The following ADAM7 variants were observed in gnomAD, a reference collection of about 807,000 sequenced individuals.
The protein encoded by ADAM7 is ADAM metallopeptidase domain 7, also known as disintegrin and metalloproteinase domain-containing protein 7.
Under a neutral mutation model 102.9 loss-of-function variants are expected in ADAM7, and 97 were observed. The observed-to-expected ratio is 0.94, with a 90% CI of 0.80 to 1.12. ADAM7 has a LOEUF of 1.12. Among genes scored for constraint, ADAM7 ranks in the 50% most tolerant of loss-of-function variants. The pLI is 0.00. For synonymous variants in ADAM7, 334 were observed against 304.4 expected, an observed-to-expected ratio of 1.10 and a Z score of -1.01; for missense variants, 991 against 908.7, an observed-to-expected ratio of 1.09 and a Z score of -1.16.
Position 24,441,560 on chromosome 8 carries a change from G to C in ADAM7, c.52+400G>C, listed in dbSNP as rs564255842. Among the ~76,000 whole-genome samples, 429 of 152,310 alleles carry C rather than the reference G, an allele frequency of 2.8e-3. 1 individual carries two copies. The highest frequency in any genetic ancestry group is 5.2e-3 in the Non-Finnish European group (352 of 68,018). On this transcript the variant is annotated intron_variant, in intron 1 of 21. Transcript: ENST00000175238. ...CCACACAATAAATTGGTAAAGGCTTGATTCAAATCAGAGCATATTCCAGAA... is the reference window on the plus strand; with the variant it reads ...CCACACAATAAATTGGTAAAGGCTTCATTCAAATCAGAGCATATTCCAGAA...
chr8:24,447,160 G>A, intron 2 of ADAM7, 26 bp from the exon 3 acceptor site: 2 of 1,411,016 alleles, frequency 1.4e-6, no homozygotes, highest in Non-Finnish European at 9.8e-7. Context: ...CCATGTTGAA[G>A]TCACGTGATG....
chr8:24,468,520 T>TA (rs1265800043), intron 6 of ADAM7, among the ~76,000 whole-genome samples: 2 of 150,272 alleles, frequency 1.3e-5, no homozygotes, highest in Non-Finnish European at 3.0e-5. Context: ...AAATTAAATT[T>TA]AAAAAAAAGA....
intron 3 of ADAM7, among the ~76,000 whole-genome samples, chr8:24,450,719 T>A (rs1818750518): frequency 6.6e-6 from 1 of 151,496 alleles, no homozygotes; most frequent in African/African-American, 2.4e-5. Context: ...GGCATCCCTG[T>A]CTTGTGCCAG....
intron 7 of ADAM7, among the ~76,000 whole-genome samples, chr8:24,473,997 T>G (rs1271460175): frequency 6.6e-6 from 1 of 152,128 alleles, no homozygotes; most frequent in Admixed American, 6.6e-5. Flanking sequence ...ACCAAACTCC[T>G]ATTCAGTATA....
At chr8:24,494,086 G>C (rs1002601148) in intron 16 of ADAM7, among the ~76,000 whole-genome samples, 6 of 151,894 alleles carry the variant, frequency 4.0e-5, no homozygotes, top group Admixed American at 6.6e-5. Flanking sequence ...AACTGAATAG[G>C]TTCTCTATGT....
intron 3 of ADAM7, among the ~76,000 whole-genome samples, chr8:24,458,773 C>G (rs1217445725): frequency 6.6e-6 from 1 of 151,980 alleles, no homozygotes; most frequent in Non-Finnish European, 1.5e-5. Context: ...TATGACAGTA[C>G]CTGTAGATTT....
At chr8:24,465,816 T>C in intron 5 of ADAM7, 41 bp downstream of exon 5, 1 of 1,457,540 alleles carries the variant, frequency 6.9e-7, no homozygotes, top group Non-Finnish European at 9.3e-7. Context: ...TGAGTTTTCC[T>C]ATGGATTTTC....
chr8:24,496,054 A>T (rs1820541601), intron 16 of ADAM7, among the ~76,000 whole-genome samples: 1 of 152,202 alleles, frequency 6.6e-6, no homozygotes, highest in South Asian at 2.1e-4. Context: ...TTAGTGGGCC[A>T]GGCCCAGGGT....
chr8:24,449,729 C>G (rs908895595), intron 3 of ADAM7, among the ~76,000 whole-genome samples: 6 of 152,128 alleles, frequency 3.9e-5, no homozygotes, highest in African/African-American at 1.4e-4. Flanking sequence ...TTGCCCATGC[C>G]TATGTCCTGA....
intron 7 of ADAM7, among the ~76,000 whole-genome samples, chr8:24,475,025 AT>A (rs1819723795): frequency 6.6e-6 from 1 of 152,208 alleles, no homozygotes; most frequent in Admixed American, 6.6e-5. Flanking sequence ...TATCTCCACA[AT>A]AATGAGGAAT....
In ADAM7 at chr8:24,509,057, T is replaced by G; in HGVS notation, c.*511T>G. 9.1e-6 allele frequency: 9 copies of G among 986,494 alleles called. No individual in the cohort carries two copies. The highest frequency in any genetic ancestry group is 1.1e-5 in the Non-Finnish European group (9 of 830,806). 61.1% of individuals were successfully genotyped at this position (986,494 alleles called of 1,614,324 possible). On this transcript the variant is annotated 3_prime_UTR_variant, in exon 22 of 22. Coordinates refer to ENST00000175238, the MANE Select transcript of ADAM7 (RefSeq NM_003817.4). ...CAGAGCGGCACGGATTCTAGGTAAT[T>G]AAAAGTGAAAGAGGCAGAAGAATAG...
intron 20 of ADAM7, among the ~76,000 whole-genome samples, chr8:24,505,415 C>T (rs1474962399): frequency 6.6e-6 from 1 of 152,104 alleles, no homozygotes; most frequent in Non-Finnish European, 1.5e-5. Context: ...ATGGTATATA[C>T]ACCATGATAT....
At chr8:24,464,212 C>T (rs1819348074) in intron 4 of ADAM7, among the ~76,000 whole-genome samples, 1 of 152,104 alleles carries the variant, frequency 6.6e-6, no homozygotes, top group African/African-American at 2.4e-5. Flanking sequence ...TCTGTACACT[C>T]AATATGGTGT....
intron 3 of ADAM7, among the ~76,000 whole-genome samples, chr8:24,458,260 T>C (rs1040042128): frequency 1.3e-5 from 2 of 152,220 alleles, no homozygotes; most frequent in Non-Finnish European, 2.9e-5. Flanking sequence ...TTACTGACTC[T>C]ATAGATAAGT....
At chr8:24,482,730 C>G (rs1174396392) in intron 9 of ADAM7, among the ~76,000 whole-genome samples, 1 of 152,102 alleles carries the variant, frequency 6.6e-6, no homozygotes, top group Non-Finnish European at 1.5e-5. Flanking sequence ...GCCTGAGTGA[C>G]AGAATGAGAC....
At chr8:24,500,683 T>C in intron 18 of ADAM7, 107 bp from the exon 19 acceptor site, 1 of 814,446 alleles carries the variant, frequency 1.2e-6, no homozygotes, top group South Asian at 2.0e-5. Flanking sequence ...AGAATTGAAG[T>C]TCTATAGAAA....
rs994875772 is a variant in ADAM7, at chr8:24,442,473, A to G, written c.53A>G (p.Glu18Gly). The change falls in exon 2 of 22, where the codon GAA (glutamate) becomes GGA (glycine). Residue 18 changes from glutamate (E) to glycine (G), a missense_variant and splice_region_variant. By Grantham distance (98) the Glu-to-Gly change is moderately conservative. Coordinates refer to ENST00000175238, the MANE Select transcript of ADAM7 (RefSeq NM_003817.4). ...TTTTTCCTCTTATGTTTCCTCGTAG[A>G]AAAGTTCATCCTTGGAGTAGAGGGT... ...LMILLIPQVK[E>G]KFILGVEGQQ... The G allele has an allele frequency of 6.2e-7, 1 of 1,610,664 alleles. No individual in the cohort carries two copies. The highest frequency in any genetic ancestry group is 1.3e-5 in the African/African-American group (1 of 74,832).
rs1377688023 is a variant in ADAM7 at position 24,467,175 on chromosome 8, G to C, written c.579+187G>C. On this transcript the variant is annotated intron_variant, in intron 6 of 21. Transcript: ENST00000175238. ...AAAAAGTGTTTATTTCATAGAGTTT[G>C]TTTAATCAGTTTCAAGAAAGGATGA... The C allele has an allele frequency of 4.9e-6, 3 of 608,364 alleles. No homozygotes were observed. The Admixed American group carries it at 9.0e-5, about 18-fold the overall frequency. The allele number at this position is 608,364 out of a possible 1,614,324, so 37.7% of individuals were successfully genotyped here.
chr8:24,468,692 AT>A lies in ADAM7; in HGVS notation c.580-67del, dbSNP rs531452975. ...CATTTCTTACCTTGAAAATACTAGG[AT>A]TTTTTTTCCAACTTAAAGGGTTAAG... On this transcript the variant is annotated intron_variant, in intron 6 of 21. Coordinates refer to ENST00000175238, the MANE Select transcript of ADAM7 (RefSeq NM_003817.4). The A allele has an allele frequency of 1.4e-4, 188 of 1,327,062 alleles. 2 individuals are homozygous for A. In the African/African-American group the frequency reaches 2.0e-3, roughly 14 times the overall value. The allele number at this position is 1,327,062 out of a possible 1,614,324, so 82.2% of individuals were successfully genotyped here. A position where few individuals can be genotyped will look rare whatever the true frequency, so the allele number is the denominator to read the frequency against.
Sources: gnomAD v4.1 joint callset for allele counts (sites outside exome capture counted in the v4.1 genomes callset) on GRCh38, gnomAD v4.1.1 for gene constraint, MANE v1.5 for transcripts, NCBI Gene and HGNC (gene_info 2026-07-23, HGNC 2026-07-21) for gene names.